The following LINGO2 variants were observed in gnomAD, a reference collection of about 807,000 sequenced individuals.
The protein encoded by LINGO2 is leucine rich repeat and Ig domain containing 2.
In LINGO2, 14 loss-of-function variants were observed where a neutral mutation model predicts 30.6. That is an observed-to-expected ratio of 0.46 (90% confidence interval 0.30 to 0.72). The LOEUF is 0.72. Ranked by LOEUF, LINGO2 falls within the 30% of genes least tolerant of loss-of-function variation. The pLI, the probability that LINGO2 is intolerant of heterozygous loss-of-function variation, is 0.07. For missense variants in LINGO2, 729 were observed against 751.7 expected (o/e 0.97, Z 0.35); for synonymous variants, 317 against 288.5 (o/e 1.10, Z -1.00).
the LINGO2 span, among the ~76,000 whole-genome samples, chr9:29,027,831 A>T: frequency 1.4e-4 from 22 of 152,230 alleles, no homozygotes; most frequent in African/African-American, 4.8e-4. Context: ...TTACTTTTCC[A>T]TCCATAAGGT....
At chr9:28,859,669 C>T in the LINGO2 span, among the ~76,000 whole-genome samples, 1 of 151,852 alleles carries the variant, frequency 6.6e-6, no homozygotes, top group Non-Finnish European at 1.5e-5. Context: ...TAAATCAAAG[C>T]TAGGATCAGG....
chr9:28,429,967 G>A (rs1432641284), intron 2 of LINGO2, among the ~76,000 whole-genome samples: 3 of 152,178 alleles, frequency 2.0e-5, no homozygotes, highest in Admixed American at 1.3e-4. Context: ...CTATGAAGAT[G>A]AATTAGTTAT....
the LINGO2 span, among the ~76,000 whole-genome samples, chr9:28,778,792 T>C: frequency 1.7e-4 from 26 of 152,300 alleles, no homozygotes; most frequent in South Asian, 5.4e-3. Context: ...GAATTTTTCA[T>C]TTAACATTTT....
chr9:28,164,494 T>C (rs1309373480), intron 4 of LINGO2, among the ~76,000 whole-genome samples: 4 of 152,190 alleles, frequency 2.6e-5, no homozygotes, highest in African/African-American at 9.7e-5. Flanking sequence ...TTAAATAATT[T>C]TCCCAAGAAT....
chr9:28,436,354 G>A (rs548366857), intron 2 of LINGO2, among the ~76,000 whole-genome samples: 22 of 152,254 alleles, frequency 1.4e-4, no homozygotes, highest in African/African-American at 5.1e-4. Flanking sequence ...AATACCTGGA[G>A]ACGGTGATTG....
the LINGO2 span, among the ~76,000 whole-genome samples, chr9:28,848,979 G>A: frequency 1.1e-4 from 16 of 151,878 alleles, no homozygotes; most frequent in African/African-American, 3.9e-4. Flanking sequence ...TCTGAATAGT[G>A]ATAAACAGAC....
chr9:28,324,400 G>A (rs1825152043), intron 3 of LINGO2, among the ~76,000 whole-genome samples: 1 of 152,094 alleles, frequency 6.6e-6, no homozygotes, highest in South Asian at 2.1e-4. Flanking sequence ...ATAAGGGCTG[G>A]TTAAAATGGG....
chr9:28,834,231 C>T, the LINGO2 span, among the ~76,000 whole-genome samples: 1 of 152,156 alleles, frequency 6.6e-6, no homozygotes. Flanking sequence ...GTTTTGGAGC[C>T]ACTCTCAACA....
intron 3 of LINGO2, among the ~76,000 whole-genome samples, chr9:28,361,141 A>C (rs1159841991): frequency 6.6e-6 from 1 of 152,214 alleles, no homozygotes; most frequent in African/African-American, 2.4e-5. Flanking sequence ...GTCATTTAGT[A>C]GCTGTTTTGC....
At chr9:28,920,531 C>T in the LINGO2 span, among the ~76,000 whole-genome samples, 1 of 152,084 alleles carries the variant, frequency 6.6e-6, no homozygotes, top group Non-Finnish European at 1.5e-5. Flanking sequence ...ATTACCCTTT[C>T]CTAGTTAATA....
rs570947677 is a variant in LINGO2, at chr9:28,590,245, G to C, written c.-365+79955C>G. On this transcript the variant is annotated intron_variant, in intron 1 of 5. Transcript: ENST00000379992. The stretch of plus-strand genomic sequence containing the variant: ...AATACCATTCAGGACATAGGCATGG[G>C]CAAGGACTTCATGTCTAAAACACCA... Among the ~76,000 whole-genome samples the C allele has an allele frequency of 3.3e-5, 5 of 152,112 alleles. No individual in the cohort carries two copies. In the East Asian group the frequency reaches 7.7e-4, roughly 24 times the overall value.
chr9:28,926,940 A>G, the LINGO2 span, among the ~76,000 whole-genome samples: 1 of 152,124 alleles, frequency 6.6e-6, no homozygotes, highest in East Asian at 1.9e-4. Context: ...CTCTTTACTT[A>G]CTGTCTGTCA....
the LINGO2 span, among the ~76,000 whole-genome samples, chr9:28,816,359 A>C: frequency 6.6e-6 from 1 of 152,192 alleles, no homozygotes; most frequent in African/African-American, 2.4e-5. Flanking sequence ...TGCTTGGGCA[A>C]ATTCATTTAT....
intron 4 of LINGO2, among the ~76,000 whole-genome samples, chr9:28,055,609 C>T (rs553625516): frequency 7.9e-5 from 12 of 152,224 alleles, no homozygotes; most frequent in African/African-American, 2.9e-4. Flanking sequence ...TGTTTTCTCT[C>T]TATCATAGGC....
intron 1 of LINGO2, among the ~76,000 whole-genome samples, chr9:28,536,047 AT>A (rs201534797): frequency 5.3e-5 from 8 of 151,910 alleles, no homozygotes; most frequent in Non-Finnish European, 7.4e-5. Context: ...AGATGATTTA[AT>A]TTTTTTTGGT....
the LINGO2 span, among the ~76,000 whole-genome samples, chr9:29,035,252 T>A: frequency 1.3e-5 from 2 of 151,954 alleles, no homozygotes; most frequent in African/African-American, 4.8e-5. Flanking sequence ...GAAACTGTAG[T>A]CCAGGAGATG....
At chr9:28,202,272 G>T (rs1035749770) in intron 4 of LINGO2, among the ~76,000 whole-genome samples, 4 of 152,002 alleles carry the variant, frequency 2.6e-5, no homozygotes, top group African/African-American at 9.7e-5. Context: ...TTTCCAGGGG[G>T]TCACAATTCA....
chr9:28,831,918 T>C, the LINGO2 span, among the ~76,000 whole-genome samples: 1 of 152,208 alleles, frequency 6.6e-6, no homozygotes, highest in African/African-American at 2.4e-5. Context: ...TTGACTCTTC[T>C]ATTCTACATA....
the LINGO2 span, among the ~76,000 whole-genome samples, chr9:28,988,786 G>A: frequency 6.6e-6 from 1 of 152,184 alleles, no homozygotes; most frequent in African/African-American, 2.4e-5. Context: ...GTGCCTACCT[G>A]GGGGAGTGGG....
Sources: gnomAD v4.1 joint callset for allele counts (sites outside exome capture counted in the v4.1 genomes callset) on GRCh38, gnomAD v4.1.1 for gene constraint, MANE v1.5 for transcripts, NCBI Gene and HGNC (gene_info 2026-07-23, HGNC 2026-07-21) for gene names.